The following DSCAML1 variants were observed in gnomAD, a reference collection of about 807,000 sequenced individuals.
The protein encoded by DSCAML1 is DS cell adhesion molecule like 1, also known as cell adhesion molecule DSCAML1.
Under a neutral mutation model 200.5 loss-of-function variants are expected in DSCAML1, and 38 were observed. The ratio of observed to expected loss-of-function variants is 0.19; its 90% CI spans 0.15 to 0.25. DSCAML1 has a LOEUF of 0.25. Ranked by LOEUF, DSCAML1 falls within the 10% of genes least tolerant of loss-of-function variation. The pLI is 1.00. For synonymous variants in DSCAML1, 1,215 were observed against 1,165.0 expected, an observed-to-expected ratio of 1.04 and a Z score of -0.87; for missense variants, 2,223 against 2,858.8, an observed-to-expected ratio of 0.78 and a Z score of 5.07.
At chr11:117,749,582 C>T (rs1022422975) in intron 3 of DSCAML1, among the ~76,000 whole-genome samples, 3 of 152,224 alleles carry the variant, frequency 2.0e-5, no homozygotes, top group Non-Finnish European at 2.9e-5. Flanking sequence ...CCTGAGCCTT[C>T]GGAACCAGCC....
intron 20 of DSCAML1, among the ~76,000 whole-genome samples, chr11:117,449,983 C>G (rs1431943835): frequency 1.3e-5 from 2 of 152,210 alleles, no homozygotes. Context: ...GGGGCTGCCC[C>G]CTCTGCTCCC....
intron 4 of DSCAML1, among the ~76,000 whole-genome samples, chr11:117,529,672 T>G (rs909985611): frequency 2.0e-5 from 3 of 151,954 alleles, no homozygotes; most frequent in African/African-American, 7.3e-5. Flanking sequence ...CACTGCCATT[T>G]GTGCCATTCT....
intron 3 of DSCAML1, among the ~76,000 whole-genome samples, chr11:117,680,040 C>T (rs1204336679): frequency 6.6e-6 from 1 of 152,162 alleles, no homozygotes; most frequent in South Asian, 2.1e-4. Flanking sequence ...CTTTTGTCAC[C>T]TCTCTGGGCT....
chr11:117,598,010 T>C (rs1176745867), intron 3 of DSCAML1, among the ~76,000 whole-genome samples: 1 of 143,848 alleles, frequency 7.0e-6, no homozygotes, highest in Non-Finnish European at 1.5e-5. Context: ...AGGCCAGTCC[T>C]GATACAATAT....
chr11:117,617,318 G>T (rs925490527), intron 3 of DSCAML1, among the ~76,000 whole-genome samples: 1 of 152,148 alleles, frequency 6.6e-6, no homozygotes, highest in South Asian at 2.1e-4. Flanking sequence ...CTCCAGGCTC[G>T]GCCACTGGCC....
At chr11:117,611,430 G>A (rs940095273) in intron 3 of DSCAML1, 7 of 152,314 alleles carry the variant, frequency 4.6e-5, no homozygotes, top group African/African-American at 1.7e-4. Flanking sequence ...GGACTCTTAA[G>A]CTCCATGATG....
At chr11:117,440,765 CA>C (rs1282271959) in intron 21 of DSCAML1, among the ~76,000 whole-genome samples, 1 of 151,846 alleles carries the variant, frequency 6.6e-6, no homozygotes, top group African/African-American at 2.4e-5. Context: ...ACTAGAAATA[CA>C]AAAAATTAGC....
At chr11:117,687,431 T>A (rs865847228) in intron 3 of DSCAML1, among the ~76,000 whole-genome samples, 7 of 110,106 alleles carry the variant, frequency 6.4e-5, no homozygotes, top group African/African-American at 1.5e-4. Flanking sequence ...TGGCTATTTT[T>A]TTTTTTTTTT....
At position 117,553,241 on chromosome 11, in the gene DSCAML1, A is replaced by G. The variant is rs546575409; in HGVS notation, c.512-20719T>C. ...TGGATCTGGCAACAATTTCTTGGAT[A>G]TGACACCAAAAGCACAGCTAACAAA... On this transcript the variant is annotated intron_variant, in intron 3 of 32. Coordinates refer to ENST00000651296, the MANE Select transcript of DSCAML1 (RefSeq NM_020693.4). 3.3e-5 allele frequency among the ~76,000 whole-genome samples: 5 copies of G among 152,378 alleles called. No homozygotes were observed. In the South Asian group the frequency reaches 1.0e-3, roughly 32 times the overall value.
At chr11:117,526,995 TAC>T (rs1274677202) in intron 4 of DSCAML1, among the ~76,000 whole-genome samples, 2 of 151,902 alleles carry the variant, frequency 1.3e-5, no homozygotes, top group African/African-American at 4.8e-5. Context: ...AACAAAACCA[TAC>T]ACACACACAT....
intron 3 of DSCAML1, among the ~76,000 whole-genome samples, chr11:117,667,994 T>C (rs1283558894): frequency 6.6e-6 from 1 of 152,232 alleles, no homozygotes; most frequent in African/African-American, 2.4e-5. Context: ...CTGAGAACAA[T>C]ATAACAGCCA....
At chr11:117,653,818 C>T (rs12272325) in intron 3 of DSCAML1, among the ~76,000 whole-genome samples, 1,996 of 152,264 alleles carry the variant, frequency 0.013, 44 homozygotes, top group African/African-American at 0.045. Context: ...TGTCCATCAA[C>T]TGGTGAATGT....
At chr11:117,627,850 C>A (rs1355045003) in intron 3 of DSCAML1, among the ~76,000 whole-genome samples, 1 of 152,010 alleles carries the variant, frequency 6.6e-6, no homozygotes, top group Non-Finnish European at 1.5e-5. Flanking sequence ...CATTAGGCTC[C>A]TCATGTTCCC....
Position 117,442,251 on chromosome 11 carries a change from CAT to C in DSCAML1, c.3862+1633_3862+1634del, listed in dbSNP as rs373080522. ...GTGTGTGTGCGTGTGTATGCATGTG[CAT>C]ATGTGTGTGCATGTATTAGTGTGTA... On this transcript the variant is annotated intron_variant, in intron 21 of 32. Transcript: ENST00000651296. 8.7e-3 allele frequency among the ~76,000 whole-genome samples: 1,274 copies of C among 146,342 alleles called. 19 individuals are homozygous for C. The highest frequency in any genetic ancestry group is 0.028 in the African/African-American group (1,079 of 38,908).
chr11:117,488,996 CTGT>C (rs1483445606), intron 11 of DSCAML1, among the ~76,000 whole-genome samples: 2 of 152,256 alleles, frequency 1.3e-5, no homozygotes, highest in Non-Finnish European at 1.5e-5. Flanking sequence ...GCCTTTTGGC[CTGT>C]TGTTCAGTGG....
chr11:117,596,186 C>T (rs1457441972), intron 3 of DSCAML1, among the ~76,000 whole-genome samples: 1 of 152,052 alleles, frequency 6.6e-6, no homozygotes, highest in Non-Finnish European at 1.5e-5. Flanking sequence ...AAAAGCAAGA[C>T]CATTGTGGTT....
intron 3 of DSCAML1, among the ~76,000 whole-genome samples, chr11:117,644,042 C>G (rs1237580204): frequency 6.6e-6 from 1 of 152,202 alleles, no homozygotes; most frequent in Non-Finnish European, 1.5e-5. Flanking sequence ...TGCCTGCCTT[C>G]CCCAGTTCCT....
intron 19 of DSCAML1, among the ~76,000 whole-genome samples, chr11:117,455,928 G>A (rs1032496532): frequency 6.6e-6 from 1 of 152,134 alleles, no homozygotes; most frequent in Non-Finnish European, 1.5e-5. Context: ...TTTTGCTTAG[G>A]TATCTGTGTT....
In DSCAML1 at chr11:117,521,253, G is replaced by A. The variant is rs766124348; in HGVS notation, c.1090C>T (p.Arg364Cys). 6.8e-6 allele frequency: 11 copies of A among 1,614,074 alleles called. No individual in the cohort carries two copies. The Admixed American group carries it at 1.0e-4, about 15-fold the overall frequency. ...AGCAGCGTCTCGTTGCTGAGCCCGC[G>A]GATGGAGATGGCCTCGTCAGGCAGC... ...LVLPDEAISIRGLSNETLLIT... is the reference protein window; with the variant it reads ...LVLPDEAISICGLSNETLLIT... The change falls in exon 6 of 33, where the codon CGC becomes TGC. Residue 364 changes from arginine to cysteine, a missense_variant. By Grantham distance (180) the Arg-to-Cys change is radical. Coordinates refer to ENST00000651296, the MANE Select transcript of DSCAML1 (RefSeq NM_020693.4).
Sources: allele counts gnomAD v4.1 joint callset (sites outside exome capture counted in the v4.1 genomes callset), GRCh38; gene constraint gnomAD v4.1.1; transcripts MANE v1.5; gene names NCBI Gene and HGNC (gene_info 2026-07-23, HGNC 2026-07-21).